SRGAP2C: variants seen among roughly 807,000 people sequenced by gnomAD.
SRGAP2C encodes the protein SLIT-ROBO Rho GTPase activating protein 2C.
Under a neutral mutation model 25.1 loss-of-function variants are expected in SRGAP2C, and 15 were observed. The observed-to-expected ratio is 0.60, with a 90% CI of 0.40 to 0.92. The LOEUF (loss-of-function observed/expected upper bound fraction) is 0.92. Among genes scored for constraint, SRGAP2C ranks in the 40% least tolerant of loss-of-function variants. The pLI is 0.00. For synonymous variants in SRGAP2C, 44 were observed against 96.6 expected, an observed-to-expected ratio of 0.46 and a Z score of 3.19; for missense variants, 144 against 264.4, an observed-to-expected ratio of 0.54 and a Z score of 3.16.
intron 3 of SRGAP2C, among the ~76,000 whole-genome samples, chr1:121,289,402 C>CG (rs1657446831): frequency 6.7e-6 from 1 of 149,612 alleles, no homozygotes; most frequent in African/African-American, 2.5e-5. Context: ...GCTCCGAGTG[C>CG]GGGGCCCACC....
chr1:121,375,028 C>T (rs1659605044), intron 7 of SRGAP2C, 74 bp downstream of exon 7: 3 of 710,216 alleles, frequency 4.2e-6, no homozygotes, highest in Non-Finnish European at 7.9e-6. Context: ...ATTCCCGATA[C>T]TATTGTTCAG....
intron 2 of SRGAP2C, among the ~76,000 whole-genome samples, chr1:121,237,346 C>A (rs2101482820): frequency 6.6e-6 from 1 of 151,830 alleles, no homozygotes; most frequent in East Asian, 2.0e-4. Context: ...GCGAATTAAT[C>A]CCGGATCTAG....
chr1:121,217,794 G>A (rs1553324987), intron 2 of SRGAP2C, among the ~76,000 whole-genome samples: 1 of 152,212 alleles, frequency 6.6e-6, no homozygotes. Flanking sequence ...AGCATTCTAG[G>A]CAAATAAACC....
intron 8 of SRGAP2C, among the ~76,000 whole-genome samples, chr1:121,385,016 C>T (rs1467364820): frequency 6.6e-6 from 1 of 152,092 alleles, no homozygotes; most frequent in African/African-American, 2.4e-5. Flanking sequence ...TCTAGCCTAG[C>T]CTTCATATGA....
intron 4 of SRGAP2C, among the ~76,000 whole-genome samples, chr1:121,353,428 C>T (rs1361625569): frequency 2.0e-5 from 3 of 147,964 alleles, no homozygotes; most frequent in African/African-American, 7.5e-5. Flanking sequence ...AGTGATCTTC[C>T]TGCCTTGGCC....
intron 3 of SRGAP2C, among the ~76,000 whole-genome samples, chr1:121,314,387 C>T (rs1284201737): frequency 2.5e-4 from 38 of 152,088 alleles, no homozygotes; most frequent in Admixed American, 2.5e-3. Flanking sequence ...TCCCGTAGCT[C>T]AGAGTAATTT....
At chr1:121,201,650 A>C (rs1570700223) in intron 2 of SRGAP2C, among the ~76,000 whole-genome samples, 1 of 152,258 alleles carries the variant, frequency 6.6e-6, no homozygotes, top group Non-Finnish European at 1.5e-5. Context: ...ATGTAAAATG[A>C]TCTCATGTTT....
intron 3 of SRGAP2C, among the ~76,000 whole-genome samples, chr1:121,297,911 C>A (rs1490446619): frequency 1.4e-5 from 2 of 143,146 alleles, no homozygotes; most frequent in Non-Finnish European, 3.1e-5. Context: ...AACTATTATC[C>A]CTATCCTCAG....
intron 2 of SRGAP2C, among the ~76,000 whole-genome samples, chr1:121,222,612 G>T (rs1369225059): frequency 1.3e-5 from 2 of 152,104 alleles, no homozygotes; most frequent in African/African-American, 4.8e-5. Context: ...GGGTGAAAGA[G>T]CAAGACCCTG....
At chr1:121,289,332 G>T (rs1175387799) in intron 3 of SRGAP2C, among the ~76,000 whole-genome samples, 3 of 150,428 alleles carry the variant, frequency 2.0e-5, no homozygotes, top group East Asian at 2.1e-4. Flanking sequence ...TACACCCTCC[G>T]CAGCCACTGG....
chr1:121,358,837 T>G (rs1223783777), intron 4 of SRGAP2C, among the ~76,000 whole-genome samples: 10 of 31,778 alleles, frequency 3.1e-4, no homozygotes, highest in African/African-American at 1.2e-3. Flanking sequence ...GGTTATGGTG[T>G]GGAAACCTCT....
chr1:121,312,740 T>C (rs1463263258), intron 3 of SRGAP2C, among the ~76,000 whole-genome samples: 2 of 47,284 alleles, frequency 4.2e-5, no homozygotes, highest in African/African-American at 1.6e-4. Flanking sequence ...CGGCTTTGAG[T>C]GAGATTCTTA....
chr1:121,335,791 A>G (rs1393311489), intron 4 of SRGAP2C, among the ~76,000 whole-genome samples: 2 of 150,272 alleles, frequency 1.3e-5, no homozygotes, highest in Admixed American at 1.3e-4. Flanking sequence ...CATTGACATT[A>G]TCTGTGGGTC....
rs587729723 is a variant in SRGAP2C, at chr1:121,268,137, G to A, written c.68-16666G>A. On this transcript the variant is annotated intron_variant, in intron 2 of 9. Transcript: ENST00000367123. The stretch of plus-strand genomic sequence containing the variant: ...GGAGAAAATGATAAACACCTAAATA[G>A]ATTTACAAGTGGCATGAAGAAAAAT... Among the ~76,000 whole-genome samples the A allele has an allele frequency of 9.4e-5, 14 of 148,772 alleles. No individual in the cohort carries two copies. In the South Asian group the frequency reaches 2.8e-3, roughly 30 times the overall value.
rs587635258 is a variant in SRGAP2C, at chr1:121,366,832, A to G, written c.486+1477A>G. On this transcript the variant is annotated intron_variant, in intron 5 of 9. Transcript: ENST00000367123. ...GGGAGGGGTAGTTTGGATAACCAAC[A>G]AACCTTGCCACTTCTTCAGTGGGAC... 4.1e-3 allele frequency among the ~76,000 whole-genome samples: 622 copies of G among 151,056 alleles called. 3 individuals are homozygous for G. The highest frequency in any genetic ancestry group is 0.015 in the African/African-American group (596 of 41,096).
intron 7 of SRGAP2C, among the ~76,000 whole-genome samples, chr1:121,379,242 C>T (rs190204817): frequency 7.2e-5 from 11 of 152,066 alleles, no homozygotes; most frequent in Admixed American, 3.3e-4. Flanking sequence ...TTTTCCTTTC[C>T]AGGCCTTGTG....
At chr1:121,351,633 A>G (rs1333356486) in intron 4 of SRGAP2C, among the ~76,000 whole-genome samples, 1 of 146,294 alleles carries the variant, frequency 6.8e-6, no homozygotes. Flanking sequence ...AAATAAATAA[A>G]TAAATAAATA....
intron 2 of SRGAP2C, among the ~76,000 whole-genome samples, chr1:121,198,274 T>TA (rs1654888368): frequency 6.9e-6 from 1 of 145,074 alleles, no homozygotes. Flanking sequence ...GAAGGCATAT[T>TA]CTCTTTGTTT....
chr1:121,372,003 G>T (rs1184800657), intron 5 of SRGAP2C, among the ~76,000 whole-genome samples: 4 of 152,094 alleles, frequency 2.6e-5, no homozygotes, highest in Non-Finnish European at 5.9e-5. Context: ...GGGTCTGTTT[G>T]AATTACTTAG....
Sources: allele counts gnomAD v4.1 joint callset (sites outside exome capture counted in the v4.1 genomes callset), GRCh38; gene constraint gnomAD v4.1.1; transcripts MANE v1.5; gene names NCBI Gene and HGNC (gene_info 2026-07-23, HGNC 2026-07-21).